GDA: variants seen among roughly 807,000 people sequenced by gnomAD.
The protein encoded by GDA is cytoplasmic PSD-95 interactor.
In GDA, 18 loss-of-function variants were observed where a neutral mutation model predicts 59.6. The ratio of observed to expected loss-of-function variants is 0.30; its 90% CI spans 0.21 to 0.45. The LOEUF is 0.45. Among genes scored for constraint, GDA ranks in the 20% least tolerant of loss-of-function variants. The pLI is 1.00. For synonymous variants in GDA, 201 were observed against 201.1 expected, an observed-to-expected ratio of 1.00 and a Z score of 0.00; for missense variants, 427 against 552.3, an observed-to-expected ratio of 0.77 and a Z score of 2.27.
chr9:72,219,405 G>A, intron 5 of GDA, 74 bp from the exon 6 acceptor site: 2 of 1,135,006 alleles, frequency 1.8e-6, no homozygotes, highest in Non-Finnish European at 2.6e-6. Context: ...TCTGTCTGAA[G>A]AAAAAAATAA....
At chr9:72,149,365 G>T (rs1411130416), upstream of GDA, 3 of 561,812 alleles carry the variant, frequency 5.3e-6, no homozygotes, top group African/African-American at 4.0e-5. Context: ...AAATCCTATT[G>T]GCATTGAGGA....
intron 12 of GDA, 148 bp from the exon 13 acceptor site, chr9:72,247,258 A>G: frequency 2.9e-6 from 2 of 682,262 alleles, no homozygotes; most frequent in Non-Finnish European, 5.3e-6. Context: ...TAAAGCACAT[A>G]GCCACTTCTT....
intron 1 of GDA, among the ~76,000 whole-genome samples, chr9:72,119,954 C>T (rs1047010893): frequency 2.0e-5 from 3 of 152,060 alleles, no homozygotes; most frequent in Non-Finnish European, 4.4e-5. Flanking sequence ...ATTGTGGAAC[C>T]ACATCTCTTA....
chr9:72,119,086 T>C (rs912567412), intron 1 of GDA, among the ~76,000 whole-genome samples: 2 of 152,116 alleles, frequency 1.3e-5, no homozygotes, highest in Non-Finnish European at 2.9e-5. Context: ...AAATAAAAAA[T>C]ATGAGTTATA....
intron 8 of GDA, among the ~76,000 whole-genome samples, chr9:72,226,717 A>G (rs1837634655): frequency 6.6e-6 from 1 of 152,248 alleles, no homozygotes. Flanking sequence ...GCTACACCAT[A>G]GTTTTCATTC....
intron 1 of GDA, among the ~76,000 whole-genome samples, chr9:72,172,493 G>A (rs1168288804): frequency 6.6e-6 from 1 of 152,142 alleles, no homozygotes; most frequent in Non-Finnish European, 1.5e-5. Context: ...AGGTCTTCGT[G>A]GTTCTTGGGC....
rs968872278 is a variant in GDA at position 72,252,039 on chromosome 9, G to T, written c.*3697G>T. On this transcript the variant is annotated 3_prime_UTR_variant, in exon 14 of 14. Coordinates refer to ENST00000358399, the MANE Select transcript of GDA (RefSeq NM_004293.5). Reference sequence around the variant, plus strand: ...TTCCAACCCAAAAGCCTGTCAGAAAGCATTCTTTAGAGAAAACCACTTTAC... The same window carrying T: ...TTCCAACCCAAAAGCCTGTCAGAAATCATTCTTTAGAGAAAACCACTTTAC... 1.3e-5 allele frequency: 2 copies of T among 152,540 alleles called. No homozygotes were observed. The highest frequency in any genetic ancestry group is 2.9e-5 in the Non-Finnish European group (2 of 68,014). The allele number at this position is 152,540 out of a possible 1,614,324, so 9.4% of individuals were successfully genotyped here.
intron 10 of GDA, 111 bp from the exon 11 acceptor site, chr9:72,241,041 T>A (rs1839555457): frequency 5.9e-6 from 4 of 672,486 alleles, no homozygotes; most frequent in Non-Finnish European, 9.4e-6. Context: ...AAGAGCTTTT[T>A]AAAAAAAGTA....
rs865942733 is a variant in GDA, at chr9:72,243,913, C to T, written c.1136-1235C>T. Among the ~76,000 whole-genome samples, 7 of 152,140 alleles carry T rather than the reference C, an allele frequency of 4.6e-5. No individual in the cohort carries two copies. In the South Asian group the frequency reaches 6.2e-4, roughly 13 times the overall value. On this transcript the variant is annotated intron_variant, in intron 11 of 13. Transcript: ENST00000358399. ...AAATAAGGCTGAGCACAGTGGCTCA[C>T]GCCTGTAATCCCAGCACTTTGGGAG... is the stretch of plus-strand genomic sequence containing the variant.
downstream of GDA, among the ~76,000 whole-genome samples, chr9:72,255,482 C>T (rs68107634): frequency 0.25 from 37,905 of 151,966 alleles, 5,390 homozygotes; most frequent in East Asian, 0.53. Context: ...AGGTTTAGAC[C>T]AGATCCTGTT....
rs1207065246 is a variant in GDA at position 72,142,854 on chromosome 9, T to C, written c.-100+28021T>C. ...CGCGATCTTGGCTCACTGCAACCTCTGCCTCCTGGGTTCAAGCGATTCTCC... is the reference window on the plus strand; with the variant it reads ...CGCGATCTTGGCTCACTGCAACCTCCGCCTCCTGGGTTCAAGCGATTCTCC... On this transcript the variant is annotated intron_variant, in intron 1 of 13. Transcript: ENST00000545168. Among the ~76,000 whole-genome samples the C allele has an allele frequency of 5.7e-4, 81 of 142,512 alleles. No individual in the cohort carries two copies. In the Middle Eastern group the frequency reaches 0.013, roughly 22 times the overall value. The allele number at this position is 142,512 out of a possible 152,430, so 93.5% of individuals were successfully genotyped here. A position where few individuals can be genotyped will look rare whatever the true frequency, so the allele number is the denominator to read the frequency against.
intron 1 of GDA, among the ~76,000 whole-genome samples, chr9:72,157,237 C>T (rs1464343800): frequency 3.3e-5 from 5 of 151,950 alleles, no homozygotes; most frequent in East Asian, 1.9e-4. Flanking sequence ...GATGGGGTTT[C>T]GCCATGTTGG....
intron 1 of GDA, among the ~76,000 whole-genome samples, chr9:72,167,755 C>G (rs926864366): frequency 6.6e-6 from 1 of 152,200 alleles, no homozygotes; most frequent in African/African-American, 2.4e-5. Context: ...CCTTCACCAG[C>G]CAGTGAGCCT....
At chr9:72,191,287 G>A (rs779775239) in intron 1 of GDA, among the ~76,000 whole-genome samples, 2 of 152,104 alleles carry the variant, frequency 1.3e-5, no homozygotes, top group Non-Finnish European at 2.9e-5. Flanking sequence ...GTACTGCATG[G>A]CTACTCAGGT....
chr9:72,226,478 A>G (rs1837598745), intron 8 of GDA, among the ~76,000 whole-genome samples: 1 of 152,216 alleles, frequency 6.6e-6, no homozygotes, highest in Non-Finnish European at 1.5e-5. Context: ...TTATTTTTAA[A>G]TACTCTGAGA....
rs976812140 is a variant in GDA, at chr9:72,248,576, C to T, written c.*234C>T. 7.6e-7 allele frequency: 1 copy of T among 1,314,010 alleles called. No individual in the cohort carries two copies. The highest frequency in any genetic ancestry group is 9.7e-7 in the Non-Finnish European group (1 of 1,031,152). The allele number at this position is 1,314,010 out of a possible 1,614,324, so 81.4% of individuals were successfully genotyped here. A position where few individuals can be genotyped will look rare whatever the true frequency, so the allele number is the denominator to read the frequency against. On this transcript the variant is annotated 3_prime_UTR_variant, in exon 14 of 14. Transcript: ENST00000358399. ...GAAAATATCTCCCTTTGGAGCTGCT[C>T]AGACTTACTTTAAGCTCAAACAGAA... is the stretch of plus-strand genomic sequence containing the variant.
chr9:72,163,905 A>G (rs928095670), intron 1 of GDA, among the ~76,000 whole-genome samples: 1 of 152,144 alleles, frequency 6.6e-6, no homozygotes, highest in African/African-American at 2.4e-5. Context: ...GCTTGCATAG[A>G]ATTACGTTCT....
chr9:72,166,886 C>A (rs2130904936), intron 1 of GDA, among the ~76,000 whole-genome samples: 1 of 152,216 alleles, frequency 6.6e-6, no homozygotes, highest in South Asian at 2.1e-4. Flanking sequence ...GTCCATAATG[C>A]CAATTTGGTG....
In GDA at chr9:72,174,794, AGAG is replaced by A. The variant is rs1830371450; in HGVS notation, c.124-20705_124-20703del. ...GAGAGAGAGAGACAGACAGACAGAC[AGAG>A]ACAGAGAGACAGAGACAGAGTGGGG... On this transcript the variant is annotated intron_variant, in intron 1 of 13. Coordinates refer to ENST00000358399, the MANE Select transcript of GDA (RefSeq NM_004293.5). 2.0e-5 allele frequency among the ~76,000 whole-genome samples: 3 copies of A among 152,138 alleles called. No individual in the cohort carries two copies. In the South Asian group the frequency reaches 6.2e-4, roughly 32 times the overall value.
Sources: gnomAD v4.1 joint callset for allele counts (sites outside exome capture counted in the v4.1 genomes callset) on GRCh38, gnomAD v4.1.1 for gene constraint, MANE v1.5 for transcripts, NCBI Gene and HGNC (gene_info 2026-07-23, HGNC 2026-07-21) for gene names.